Variants in CALD1 observed in about 807,000 individuals in gnomAD.
The protein encoded by CALD1 is caldesmon.
In CALD1, 33 loss-of-function variants were observed where a neutral mutation model predicts 99.9. The observed-to-expected ratio is 0.33, with a 90% confidence interval of 0.25 to 0.44. CALD1 has a LOEUF of 0.44. Ranked by LOEUF, CALD1 falls within the 20% of genes least tolerant of loss-of-function variation. The pLI, the probability that CALD1 is intolerant of heterozygous loss-of-function variation, is 1.00. For missense variants in CALD1, 861 were observed against 962.1 expected (o/e 0.89, Z 1.39); for synonymous variants, 310 against 325.0 (o/e 0.95, Z 0.50).
intron 3 of CALD1, among the ~76,000 whole-genome samples, chr7:134,881,174 C>A (rs1801582796): frequency 6.6e-6 from 1 of 152,148 alleles, no homozygotes; most frequent in African/African-American, 2.4e-5. Context: ...ACTCTCTTTC[C>A]TACGTTCTCT....
intron 4 of CALD1, among the ~76,000 whole-genome samples, chr7:134,931,900 G>A (rs1026705246): frequency 4.6e-5 from 7 of 152,274 alleles, no homozygotes; most frequent in Middle Eastern, 3.4e-3. Flanking sequence ...TTAGGGTAAC[G>A]CTGGCTGCTA....
chr7:134,803,538 A>G (rs13225311), intron 1 of CALD1, among the ~76,000 whole-genome samples: 23,724 of 152,036 alleles, frequency 0.16, 2,088 homozygotes, highest in Non-Finnish European at 0.2. Context: ...GTCCATGTAG[A>G]ATGAGTATTT....
intron 14 of CALD1, among the ~76,000 whole-genome samples, chr7:134,967,237 T>G (rs1472126694): frequency 6.6e-6 from 1 of 152,040 alleles, no homozygotes; most frequent in Non-Finnish European, 1.5e-5. Flanking sequence ...GGTAGGAGGG[T>G]GACAGTGTGA....
Position 134,933,359 on chromosome 7 carries a change from A to C in CALD1, c.590A>C (p.Lys197Thr). ...DKEKEEEEEE[K>T]PKRGSIGENQ... ...GAAAAGGAGGAGGAGGAAGAGGAGAAGCCAAAGCGAGGGAGCATTGGAGAA... is the reference window on the plus strand; with the variant it reads ...GAAAAGGAGGAGGAGGAAGAGGAGACGCCAAAGCGAGGGAGCATTGGAGAA... Residue 197 changes from lysine to threonine, a missense_variant, in exon 5 of 15, where the codon AAG (lysine) becomes ACG (threonine). Coordinates refer to ENST00000361675, the MANE Select transcript of CALD1 (RefSeq NM_033138.4). The C allele has an allele frequency of 1.2e-6, 2 of 1,606,458 alleles. No individual in the cohort carries two copies. The highest frequency in any genetic ancestry group is 1.7e-6 in the Non-Finnish European group (2 of 1,176,238).
intron 5 of CALD1, 25 bp downstream of exon 5, chr7:134,934,102 T>G: frequency 6.3e-7 from 1 of 1,586,382 alleles, no homozygotes; most frequent in Admixed American, 1.8e-5. Context: ...TTGCACCAAA[T>G]GTGTGATGCC....
At chr7:134,960,285 A>C in intron 12 of CALD1, 174 bp downstream of exon 12, 1 of 768,728 alleles carries the variant, frequency 1.3e-6, no homozygotes, top group Non-Finnish European at 2.1e-6. Context: ...GTGAGGTTGC[A>C]TGAGGTACTA....
intron 2 of CALD1, among the ~76,000 whole-genome samples, chr7:134,849,377 A>T (rs1337515015): frequency 4.6e-5 from 7 of 152,210 alleles, no homozygotes; most frequent in African/African-American, 1.7e-4. Flanking sequence ...CTTCCTCTGT[A>T]TCCATAGGGG....
chr7:134,744,452 T>TGC (rs777113700), intron 1 of CALD1: 1 of 123,816 alleles, frequency 8.1e-6, no homozygotes, highest in African/African-American at 3.6e-5. Context: ...CAGGAAGTCG[T>TGC]GTGTGTGTGT....
At chr7:134,953,666 TTTG>T (rs1364690537) in intron 9 of CALD1, among the ~76,000 whole-genome samples, 3,073 of 132,436 alleles carry the variant, frequency 0.023, 125 homozygotes, top group African/African-American at 0.078. Context: ...GTTTTTTTTT[TTTG>T]TTTTTTTTTT....
At chr7:134,724,483 A>G in the CALD1 span, among the ~76,000 whole-genome samples, 1 of 152,240 alleles carries the variant, frequency 6.6e-6, no homozygotes, top group African/African-American at 2.4e-5. Context: ...GACCTTGGAC[A>G]AAGAAAGGAA....
chr7:134,943,556 G>T (rs963741280), intron 7 of CALD1, among the ~76,000 whole-genome samples: 1 of 151,864 alleles, frequency 6.6e-6, no homozygotes, highest in Non-Finnish European at 1.5e-5. Flanking sequence ...TTATACCAAG[G>T]GTTTTATAGA....
chr7:134,840,973 G>A (rs988055045), intron 1 of CALD1, among the ~76,000 whole-genome samples: 1 of 152,170 alleles, frequency 6.6e-6, no homozygotes, highest in Admixed American at 6.5e-5. Context: ...AAGGAGTCGG[G>A]ATAGGTGGAC....
intron 1 of CALD1, among the ~76,000 whole-genome samples, chr7:134,772,867 C>T (rs1350915077): frequency 6.6e-6 from 1 of 152,182 alleles, no homozygotes; most frequent in Non-Finnish European, 1.5e-5. Flanking sequence ...ATGAGCCATA[C>T]AGCTATTGTC....
intron 3 of CALD1, among the ~76,000 whole-genome samples, chr7:134,881,125 T>C (rs1303598829): frequency 2.0e-5 from 3 of 152,200 alleles, no homozygotes; most frequent in African/African-American, 4.8e-5. Flanking sequence ...AGACAGATTC[T>C]GGTGTCCAGT....
intron 1 of CALD1, among the ~76,000 whole-genome samples, chr7:134,763,781 G>A (rs1012811893): frequency 1.1e-4 from 17 of 151,950 alleles, no homozygotes; most frequent in Non-Finnish European, 8.8e-5. Context: ...AGCTGGATGT[G>A]GTGGCAGGCA....
chr7:134,739,900 A>ATTATTTTTT, upstream of CALD1, among the ~76,000 whole-genome samples: 1 of 150,644 alleles, frequency 6.6e-6, no homozygotes, highest in African/African-American at 2.4e-5. Flanking sequence ...GCATAATTTT[A>ATTATTTTTT]TTCTTAAGTC....
chr7:134,933,973 A>G lies in CALD1; in HGVS notation c.1204A>G (p.Thr402Ala), dbSNP rs201623086. The G allele has an allele frequency of 6.2e-7, 1 of 1,614,146 alleles. No individual in the cohort carries two copies. Among genetic ancestry groups the G allele is most frequent in the Non-Finnish European group, 8.5e-7 (1 of 1,180,010 alleles). ...AGAGAAAAAACATGCCATGCAAGAG[A>G]CAAAGATAAAAGGGGAAAAGGTAGA... ...LEEKKHAMQETKIKGEKVEQK... is the reference protein window; with the variant it reads ...LEEKKHAMQEAKIKGEKVEQK... The change falls in exon 5 of 15, where the codon ACA (threonine) becomes GCA (alanine). Residue 402 changes from threonine to alanine, a missense_variant. By Grantham distance (58) the Thr-to-Ala change is moderately conservative. Around this residue, in one of 5 missense-constraint regions of CALD1, gnomAD observed 293 missense variants for 262.7 expected, o/e 1.12. Coordinates refer to ENST00000361675, the MANE Select transcript of CALD1 (RefSeq NM_033138.4).
At chr7:134,936,891 C>T (rs1024847833) in intron 6 of CALD1, among the ~76,000 whole-genome samples, 1 of 152,160 alleles carries the variant, frequency 6.6e-6, no homozygotes, top group African/African-American at 2.4e-5. Flanking sequence ...AACAGGAAAA[C>T]TGAATTTAGC....
rs59389296 is a variant in CALD1, at chr7:134,758,501, G to GGTGTGTGTGTGTGTGT, written c.-130+14161_-130+14176dup. 1.2e-3 allele frequency among the ~76,000 whole-genome samples: 169 copies of GGTGTGTGTGTGTGTGT among 145,212 alleles called. 1 individual carries two copies. In the East Asian group the frequency reaches 0.016, roughly 14 times the overall value. ...TTTAAATATCTGCAGCTCCCATTGG[G>GGTGTGTGTGTGTGTGT]GTGTGTGTGTGTGTGTGTGTGTGTG... On this transcript the variant is annotated intron_variant, in intron 1 of 13. Coordinates refer to the CALD1 transcript ENST00000417172.
Sources: allele counts gnomAD v4.1 joint callset (sites outside exome capture counted in the v4.1 genomes callset), GRCh38; gene constraint gnomAD v4.1.1; regional missense constraint gnomAD v4.1.1; transcripts MANE v1.5; gene names NCBI Gene and HGNC (gene_info 2026-07-23, HGNC 2026-07-21).